Variants in SATB2 observed in about 807,000 individuals in gnomAD.
SATB2 encodes DNA-binding protein SATB2.
Under a neutral mutation model 73.4 loss-of-function variants are expected in SATB2, and 1 was observed. That is an observed-to-expected ratio of 0.01 (90% CI 0.00 to 0.06). The LOEUF (loss-of-function observed/expected upper bound fraction) is 0.06. SATB2 is among the 10% of genes least tolerant of loss of function. The pLI, the probability that SATB2 is intolerant of heterozygous loss-of-function variation, is 1.00. For missense variants in SATB2, 459 were observed against 945.8 expected, an observed-to-expected ratio of 0.49 and a Z score of 6.75; for synonymous variants, 397 against 367.0, an observed-to-expected ratio of 1.08 and a Z score of -0.93.
chr2:199,337,527 GA>G (rs1395199447), intron 7 of SATB2, among the ~76,000 whole-genome samples: 1 of 152,056 alleles, frequency 6.6e-6, no homozygotes, highest in African/African-American at 2.4e-5. Flanking sequence ...TTTCTTTCAT[GA>G]AGCCTTTGCT....
At chr2:199,273,007 C>T (rs781005186) in intron 10 of SATB2, among the ~76,000 whole-genome samples, 4 of 151,982 alleles carry the variant, frequency 2.6e-5, no homozygotes, top group Non-Finnish European at 5.9e-5. Context: ...TGAAGGCTAA[C>T]GACAAAGAAA....
At chr2:199,433,853 T>G (rs1691575941) in intron 2 of SATB2, among the ~76,000 whole-genome samples, 1 of 152,144 alleles carries the variant, frequency 6.6e-6, no homozygotes, top group South Asian at 2.1e-4. Context: ...ACTAGTATTT[T>G]CAGATCAGAT....
At chr2:199,333,464 A>C (rs1362745018) in intron 7 of SATB2, among the ~76,000 whole-genome samples, 1 of 152,112 alleles carries the variant, frequency 6.6e-6, no homozygotes, top group Non-Finnish European at 1.5e-5. Context: ...TAGTACATGG[A>C]TATAAAGTTA....
At chr2:199,304,878 TG>T (rs1201445182) in intron 10 of SATB2, among the ~76,000 whole-genome samples, 4 of 152,320 alleles carry the variant, frequency 2.6e-5, no homozygotes, top group Non-Finnish European at 5.9e-5. Context: ...CTCCCAGGGC[TG>T]GTGAGTCTCT....
chr2:199,299,369 C>A (rs1687214941), intron 10 of SATB2, among the ~76,000 whole-genome samples: 1 of 152,162 alleles, frequency 6.6e-6, no homozygotes, highest in East Asian at 1.9e-4. Flanking sequence ...AATAGCCACA[C>A]TTTGTTCTTT....
Position 199,410,015 on chromosome 2 carries a change from T to TA in SATB2, c.346+23322_346+23323insT, listed in dbSNP as rs747116044. ...CTGACTTTTTTTCTTTCTTTTGGTC[T>TA]GTGTACATCACAGCCCAGAGTGATT... On this transcript the variant is annotated intron_variant, in intron 3 of 10. Transcript: ENST00000417098. 4.6e-5 allele frequency among the ~76,000 whole-genome samples: 7 copies of TA among 152,334 alleles called. No homozygotes were observed. In the South Asian group the frequency reaches 8.3e-4, roughly 18 times the overall value.
At chr2:199,333,657 AAT>A (rs1295856405) in intron 7 of SATB2, among the ~76,000 whole-genome samples, 3 of 152,148 alleles carry the variant, frequency 2.0e-5, no homozygotes, top group Non-Finnish European at 2.9e-5. Flanking sequence ...AGTCTACATT[AAT>A]ATGATTCTGA....
intron 3 of SATB2, among the ~76,000 whole-genome samples, chr2:199,414,743 C>G (rs1409065579): frequency 6.6e-6 from 1 of 152,172 alleles, no homozygotes; most frequent in Non-Finnish European, 1.5e-5. Context: ...CCTTTCGAAG[C>G]ACCATGTGGC....
chr2:199,285,877 G>GT (rs1236266312), intron 10 of SATB2, among the ~76,000 whole-genome samples: 35,345 of 136,228 alleles, frequency 0.26, 5,062 homozygotes, highest in South Asian at 0.48. Flanking sequence ...GCCTTAGTCT[G>GT]TTTTTTTTTT....
At chr2:199,366,081 C>T (rs1355719694) in intron 6 of SATB2, among the ~76,000 whole-genome samples, 1 of 151,988 alleles carries the variant, frequency 6.6e-6, no homozygotes, top group Non-Finnish European at 1.5e-5. Context: ...AGTTTGGGAC[C>T]TCAGTAAGTT....
In SATB2 at chr2:199,271,266, C is replaced by A. The variant is rs571047738; in HGVS notation, c.*945G>T. ...CAAAATGTCATTTGATCAAGACTTGCACTAGTGGACAAAGTTTTCTCTGCA... is the reference window on the plus strand; with the variant it reads ...CAAAATGTCATTTGATCAAGACTTGAACTAGTGGACAAAGTTTTCTCTGCA... On this transcript the variant is annotated 3_prime_UTR_variant, in exon 11 of 11. Coordinates refer to ENST00000417098, the MANE Select transcript of SATB2 (RefSeq NM_001172509.2). 2 of 152,820 alleles carry A rather than the reference C, an allele frequency of 1.3e-5. No individual in the cohort carries two copies. Among genetic ancestry groups the A allele is most frequent in the Admixed American group, 6.5e-5 (1 of 15,284 alleles). 9.5% of individuals were successfully genotyped at this position (152,820 alleles called of 1,614,324 possible). A position where few individuals can be genotyped will look rare whatever the true frequency, so the allele number is the denominator to read the frequency against.
chr2:199,428,040 A>G (rs181348979), intron 3 of SATB2, among the ~76,000 whole-genome samples: 36 of 152,224 alleles, frequency 2.4e-4, no homozygotes, highest in African/African-American at 8.7e-4. Context: ...CTTTCTACAT[A>G]ACAATGCCTT....
chr2:199,432,242 A>G (rs939183436), intron 3 of SATB2, among the ~76,000 whole-genome samples: 9 of 152,226 alleles, frequency 5.9e-5, no homozygotes, highest in Admixed American at 5.9e-4. Flanking sequence ...GATAGAACTA[A>G]AGTATAACTT....
chr2:199,412,770 A>G (rs767356975), intron 3 of SATB2, among the ~76,000 whole-genome samples: 6 of 152,200 alleles, frequency 3.9e-5, no homozygotes, highest in Non-Finnish European at 5.9e-5. Flanking sequence ...AACCTCCCTA[A>G]TGGGGACAAG....
In SATB2 at chr2:199,331,755, C is replaced by T. The variant is rs76272181; in HGVS notation, c.1174-2845G>A. Among the ~76,000 whole-genome samples the T allele has an allele frequency of 7.0e-3, 1,070 of 152,174 alleles. 6 individuals carry two copies. Among genetic ancestry groups the T allele is most frequent in the Non-Finnish European group, 0.012 (830 of 67,998 alleles). On this transcript the variant is annotated intron_variant, in intron 7 of 10. Transcript: ENST00000417098. ...TGAGTCTATTTCGTTAGTTGAAAAT[C>T]ATCAGAGGAGAAAAAAATCAGAAGA...
At chr2:199,457,948 G>C (rs1385326115), upstream of SATB2, 1 of 153,022 alleles carries the variant, frequency 6.5e-6, no homozygotes, top group Non-Finnish European at 1.5e-5. This position sits in a 1 kb window ranked among gnomAD's most constrained non-coding sequence, Gnocchi z 4.8. Context: ...TCACTGACAA[G>C]CCGCAGAGAG....
chr2:199,294,500 AC>A (rs1220131945), intron 10 of SATB2, among the ~76,000 whole-genome samples: 1 of 152,140 alleles, frequency 6.6e-6, no homozygotes, highest in Non-Finnish European at 1.5e-5. Flanking sequence ...ATGTTAACTT[AC>A]TAGGCATGCT....
chr2:199,385,307 G>A lies in SATB2; in HGVS notation c.347-3487C>T, dbSNP rs146663039. Among the ~76,000 whole-genome samples the A allele has an allele frequency of 8.6e-3, 1,311 of 152,118 alleles. 18 individuals carry two copies. Among genetic ancestry groups the A allele is most frequent in the African/African-American group, 0.029 (1,209 of 41,488 alleles). On this transcript the variant is annotated intron_variant, in intron 3 of 10. Transcript: ENST00000417098. ...ATGCCACCACACCTGGCTAAGTTTT[G>A]TATTTTTATAGAGACAGGGTTTCAC...
chr2:199,326,136 T>C (rs1365846296), intron 8 of SATB2: 1 of 152,128 alleles, frequency 6.6e-6, no homozygotes, highest in Non-Finnish European at 1.5e-5. Context: ...CAATAAAATC[T>C]GTACTGTACT....
Sources: allele counts gnomAD v4.1 joint callset (sites outside exome capture counted in the v4.1 genomes callset), GRCh38; gene constraint gnomAD v4.1.1; non-coding constraint Gnocchi (gnomAD v3.1); transcripts MANE v1.5; gene names NCBI Gene and HGNC (gene_info 2026-07-23, HGNC 2026-07-21).